The following SKIC2 variants were observed in gnomAD, a reference collection of about 807,000 sequenced individuals.
The protein encoded by SKIC2 is superkiller complex protein 2.
At chr6:31,962,080 C>T in the SKIC2 span, 1 of 1,609,396 alleles carries the variant, frequency 6.2e-7, no homozygotes, top group Non-Finnish European at 8.5e-7. This position sits in a 1 kb window ranked among gnomAD's most constrained non-coding sequence, Gnocchi z 5.0. Context: ...CCAACCTCCC[C>T]CTTCACCAGC....
chr6:31,960,951 G>C, the SKIC2 span: 3 of 1,027,186 alleles, frequency 2.9e-6, no homozygotes, highest in Non-Finnish European at 4.6e-6. Flanking sequence ...TACAGCATCT[G>C]TCCTGTAAAT....
At chr6:31,968,395 C>T in the SKIC2 span, 1 of 1,612,874 alleles carries the variant, frequency 6.2e-7, no homozygotes, top group Non-Finnish European at 8.5e-7. This position sits in a 1 kb window ranked among gnomAD's most constrained non-coding sequence, Gnocchi z 6.1. Context: ...TCAGGCCCAC[C>T]CAGCCGGACC....
the SKIC2 span, chr6:31,965,909 A>C: frequency 1.2e-6 from 2 of 1,613,108 alleles, no homozygotes; most frequent in East Asian, 2.2e-5. The surrounding 1 kb of genome is among the most constrained non-coding windows in gnomAD (Gnocchi z 5.6). Flanking sequence ...GTATGTGCAG[A>C]TGGCAGGCCG....
At chr6:31,968,207 TC>T in the SKIC2 span, 1 of 1,467,962 alleles carries the variant, frequency 6.8e-7, no homozygotes, top group Non-Finnish European at 9.4e-7. The surrounding 1 kb of genome is among the most constrained non-coding windows in gnomAD (Gnocchi z 6.1). Flanking sequence ...GTGAGGGGGC[TC>T]CCCCAGCCTA....
At chr6:31,968,625 C>G in the SKIC2 span, 1 of 1,559,438 alleles carries the variant, frequency 6.4e-7, no homozygotes, top group East Asian at 2.2e-5. The surrounding 1 kb of genome is among the most constrained non-coding windows in gnomAD (Gnocchi z 6.1). Context: ...CATCTCAGCC[C>G]TTGTCCTCAG....
chr6:31,967,384 G>A, the SKIC2 span: 1 of 1,604,762 alleles, frequency 6.2e-7, no homozygotes, highest in Non-Finnish European at 8.5e-7. This position sits in a 1 kb window ranked among gnomAD's most constrained non-coding sequence, Gnocchi z 4.9. Flanking sequence ...ACAGGTGAGG[G>A]TGATGGGAAT....
chr6:31,965,654 T>G, the SKIC2 span: 1 of 610,630 alleles, frequency 1.6e-6, no homozygotes, highest in Non-Finnish European at 3.0e-6. The surrounding 1 kb of genome is among the most constrained non-coding windows in gnomAD (Gnocchi z 5.6). Context: ...GCCTGGAGAG[T>G]TCAGTGAGAT....
chr6:31,965,446 A>G, the SKIC2 span, among the ~76,000 whole-genome samples: 2 of 152,222 alleles, frequency 1.3e-5, no homozygotes, highest in Non-Finnish European at 2.9e-5. The surrounding 1 kb of genome is among the most constrained non-coding windows in gnomAD (Gnocchi z 5.6). Flanking sequence ...ACCACTTTTT[A>G]TATGAATTAT....
At chr6:31,961,003 A>AGT in the SKIC2 span, 1 of 1,414,066 alleles carries the variant, frequency 7.1e-7, no homozygotes, top group Non-Finnish European at 1.0e-6. Flanking sequence ...TTTGTTCACC[A>AGT]GTGTGCAGTG....
the SKIC2 span, chr6:31,960,412 G>T: frequency 3.1e-6 from 5 of 1,603,244 alleles, no homozygotes; most frequent in Admixed American, 1.7e-5. Context: ...CCTCATTGGG[G>T]CTCTGATCTC....
the SKIC2 span, chr6:31,963,686 C>G: frequency 6.4e-7 from 1 of 1,556,966 alleles, no homozygotes; most frequent in Non-Finnish European, 8.7e-7. This position sits in a 1 kb window ranked among gnomAD's most constrained non-coding sequence, Gnocchi z 5.3. Flanking sequence ...CAAACACGCC[C>G]AGACCTTTGG....
chr6:31,962,009 T>C, the SKIC2 span: 206 of 1,612,914 alleles, frequency 1.3e-4, no homozygotes, highest in Non-Finnish European at 1.6e-4. The surrounding 1 kb of genome is among the most constrained non-coding windows in gnomAD (Gnocchi z 5.0). Context: ...GGAAAAACAG[T>C]TGTGGCTGAA....
At chr6:31,965,888 C>G in the SKIC2 span, 1 of 1,612,986 alleles carries the variant, frequency 6.2e-7, no homozygotes, top group East Asian at 2.2e-5. The surrounding 1 kb of genome is among the most constrained non-coding windows in gnomAD (Gnocchi z 5.6). Flanking sequence ...CCGGGACCTG[C>G]TCCCTGGGGA....
At chr6:31,962,604 A>G in the SKIC2 span, 2 of 1,610,768 alleles carry the variant, frequency 1.2e-6, no homozygotes, top group East Asian at 2.2e-5. The surrounding 1 kb of genome is among the most constrained non-coding windows in gnomAD (Gnocchi z 5.0). Context: ...TGGACACTCA[A>G]TACAGGGGAG....
the SKIC2 span, chr6:31,960,047 A>C: frequency 6.2e-7 from 1 of 1,613,032 alleles, no homozygotes; most frequent in Non-Finnish European, 8.5e-7. Flanking sequence ...CCAGATCTGC[A>C]GCAAGAAGCA....
the SKIC2 span, chr6:31,966,098 C>T: frequency 1.1e-6 from 1 of 942,530 alleles, no homozygotes; most frequent in Non-Finnish European, 1.5e-6. This position sits in a 1 kb window ranked among gnomAD's most constrained non-coding sequence, Gnocchi z 5.9. Flanking sequence ...TCTTTTTCTT[C>T]TTCCTTTTTT....
At chr6:31,968,825 G>A in the SKIC2 span, 2 of 1,609,732 alleles carry the variant, frequency 1.2e-6, no homozygotes, top group Admixed American at 1.7e-5. The surrounding 1 kb of genome is among the most constrained non-coding windows in gnomAD (Gnocchi z 6.1). Context: ...GGGGCAGGGG[G>A]GCTAGGGGAC....
the SKIC2 span, chr6:31,966,631 G>A: frequency 6.7e-7 from 1 of 1,499,044 alleles, no homozygotes; most frequent in Non-Finnish European, 9.2e-7. The surrounding 1 kb of genome is among the most constrained non-coding windows in gnomAD (Gnocchi z 5.9). Context: ...TCTGACGGGA[G>A]TAGGCCCAGT....
chr6:31,967,159 C>CT, the SKIC2 span: 4 of 1,607,470 alleles, frequency 2.5e-6, no homozygotes, highest in Non-Finnish European at 3.4e-6. This position sits in a 1 kb window ranked among gnomAD's most constrained non-coding sequence, Gnocchi z 4.9. Context: ...AGTGTGAGTG[C>CT]TGAGGAGGTG....
Sources: allele counts gnomAD v4.1 joint callset (sites outside exome capture counted in the v4.1 genomes callset), GRCh38; gene constraint gnomAD v4.1.1; non-coding constraint Gnocchi (gnomAD v3.1); transcripts MANE v1.5; gene names NCBI Gene and HGNC (gene_info 2026-07-23, HGNC 2026-07-21).